The following LOXL1 variants were observed in gnomAD, a reference collection of about 807,000 sequenced individuals.
The protein encoded by LOXL1 is lysyl oxidase like 1, also known as lysyl oxidase homolog 1.
LOXL1 carries 31 observed loss-of-function variants against 62.2 expected under a neutral mutation model. The ratio of observed to expected loss-of-function variants is 0.50; its 90% CI spans 0.37 to 0.67. The LOEUF (loss-of-function observed/expected upper bound fraction) is 0.67, where lower values mean the gene tolerates loss of function less well. Ranked by LOEUF, LOXL1 falls within the 30% of genes least tolerant of loss-of-function variation. The pLI is 0.00. For missense variants in LOXL1, 775 were observed against 843.4 expected, an observed-to-expected ratio of 0.92 and a Z score of 1.00; for synonymous variants, 403 against 384.4, an observed-to-expected ratio of 1.05 and a Z score of -0.56.
intron 1 of LOXL1, among the ~76,000 whole-genome samples, chr15:73,936,979 C>T (rs1567086150): frequency 6.6e-6 from 1 of 152,234 alleles, no homozygotes; most frequent in African/African-American, 2.4e-5. Flanking sequence ...CAGGGGCCAG[C>T]TAGTTCAGTC....
At position 73,927,429 on chromosome 15, in the gene LOXL1, G is replaced by A. The variant is rs751304280; in HGVS notation, c.646G>A (p.Ala216Thr). Residue 216 changes from alanine (A) to threonine (T), a missense_variant, in exon 1 of 7, where the codon GCG becomes ACG. Ala to Thr is a moderately conservative substitution (Grantham distance 58). Transcript: ENST00000261921. ...RPAGGGVGAG[A>T]AAVASAGVIY... ...CGCGGGCGGCGGCGTGGGCGCGGGG[G>A]CGGCGGCCGTGGCCTCGGCGGGGGT... The A allele has an allele frequency of 2.0e-6, 3 of 1,484,244 alleles. No individual in the cohort carries two copies. The highest frequency in any genetic ancestry group is 1.5e-5 in the African/African-American group (1 of 68,922). The allele number at this position is 1,484,244 out of a possible 1,614,324, so 91.9% of individuals were successfully genotyped here.
rs1490189179 is a variant in LOXL1, at chr15:73,950,650, CCAGTGTGTAGCCAGGCTCAGGGCT to C, written c.1718+1085_1718+1108del. ...CTCAGTCTGTGACCAGAGTCAGGGCCCAGTGTGTAGCCAGGCTCAGGGCTCAGTGTGTGACCAGGATCAGGGCTC... is the reference window on the plus strand; with the variant it reads ...CTCAGTCTGTGACCAGAGTCAGGGCCCAGTGTGTGACCAGGATCAGGGCTC... On this transcript the variant is annotated intron_variant, in intron 6 of 6. Coordinates refer to ENST00000261921, the MANE Select transcript of LOXL1 (RefSeq NM_005576.4). Among the ~76,000 whole-genome samples, 1,016 of 147,086 alleles carry C rather than the reference CCAGTGTGTAGCCAGGCTCAGGGCT, an allele frequency of 6.9e-3. 21 individuals are homozygous for C. Among genetic ancestry groups the C allele is most frequent in the Admixed American group, 0.054 (799 of 14,800 alleles).
chr15:73,951,892 C>A lies in LOXL1; in HGVS notation c.*55C>A. ...CCCCTTCCAAAGCAGGCCCTGCTCC[C>A]CGGGCAGCCTCCCGCCGAGGGGCCC... On this transcript the variant is annotated 3_prime_UTR_variant, in exon 7 of 7. Coordinates refer to ENST00000261921, the MANE Select transcript of LOXL1 (RefSeq NM_005576.4). 1.4e-6 allele frequency: 2 copies of A among 1,436,488 alleles called. No individual in the cohort carries two copies. Among genetic ancestry groups the A allele is most frequent in the South Asian group, 1.5e-5 (1 of 65,948 alleles). The allele number at this position is 1,436,488 out of a possible 1,614,324, so 89.0% of individuals were successfully genotyped here.
chr15:73,936,173 G>A (rs1477253482), intron 1 of LOXL1, among the ~76,000 whole-genome samples: 2 of 152,056 alleles, frequency 1.3e-5, no homozygotes, highest in African/African-American at 4.8e-5. Context: ...GTGGGCAATG[G>A]GGAGCCATTG....
intron 1 of LOXL1, among the ~76,000 whole-genome samples, chr15:73,938,937 G>A (rs909611046): frequency 2.0e-5 from 3 of 152,116 alleles, no homozygotes; most frequent in African/African-American, 7.2e-5. Context: ...CCTTCACCAG[G>A]TCCAGGATCT....
intron 6 of LOXL1, 59 bp from the exon 7 acceptor site, chr15:73,951,769 TGAG>T: frequency 6.9e-7 from 1 of 1,448,658 alleles, no homozygotes; most frequent in South Asian, 1.5e-5. Flanking sequence ...ACGCCCTGGC[TGAG>T]GAGGCCACGG....
chr15:73,943,091 C>G, intron 2 of LOXL1, 129 bp downstream of exon 2: 1 of 715,580 alleles, frequency 1.4e-6, no homozygotes, highest in South Asian at 1.6e-5. Flanking sequence ...CCCAGCCTCC[C>G]AGGACCCTGA....
intron 1 of LOXL1, among the ~76,000 whole-genome samples, chr15:73,939,517 G>T (rs1393558704): frequency 1.3e-5 from 2 of 152,166 alleles, no homozygotes; most frequent in Non-Finnish European, 2.9e-5. Context: ...ACAAAATAAT[G>T]GTAAGAGTGA....
At chr15:73,946,307 G>T in intron 2 of LOXL1, 110 bp from the exon 3 acceptor site, 1 of 726,252 alleles carries the variant, frequency 1.4e-6, no homozygotes, top group Non-Finnish European at 2.4e-6. Context: ...ACAAGGAGTG[G>T]GGCTGCAGAA....
intron 1 of LOXL1, among the ~76,000 whole-genome samples, chr15:73,941,334 C>T (rs2141631663): frequency 6.6e-6 from 1 of 152,270 alleles, no homozygotes; most frequent in Non-Finnish European, 1.5e-5. Flanking sequence ...GACCAGGCTC[C>T]CCCATGAGGC....
At chr15:73,939,454 A>G (rs974529796) in intron 1 of LOXL1, among the ~76,000 whole-genome samples, 1 of 152,218 alleles carries the variant, frequency 6.6e-6, no homozygotes, top group Non-Finnish European at 1.5e-5. Context: ...GAGCTCAGAG[A>G]GGGAGTCACA....
chr15:73,939,110 C>G (rs72745365), intron 1 of LOXL1, among the ~76,000 whole-genome samples: 30,349 of 152,020 alleles, frequency 0.2, 3,198 homozygotes, highest in East Asian at 0.33. Context: ...TGTCCACTAG[C>G]CCCCAACTCA....
At chr15:73,932,214 T>C (rs921881501) in intron 1 of LOXL1, among the ~76,000 whole-genome samples, 1 of 152,204 alleles carries the variant, frequency 6.6e-6, no homozygotes, top group Admixed American at 6.5e-5. Flanking sequence ...GGAAGAATTA[T>C]GCTTGCATTT....
In LOXL1 at chr15:73,927,398, C is replaced by T; in HGVS notation, c.615C>T (p.Tyr205=). 1.3e-6 allele frequency: 2 copies of T among 1,555,744 alleles called. No homozygotes were observed. ...SRTYDQGFVY[Y]RPAGGGVGAG... ...CCTACGACCAGGGTTTCGTGTACTA[C>T]CGGCCCGCGGGCGGCGGCGTGGGCG... Residue 205 remains tyrosine, a synonymous_variant, in exon 1 of 7, where the codon TAC becomes TAT. Coordinates refer to ENST00000261921, the MANE Select transcript of LOXL1 (RefSeq NM_005576.4).
rs2068791352 is a variant in LOXL1, at chr15:73,951,970, G to GCGAA, written c.*136_*139dup. Reference sequence around the variant, plus strand: ...CATCCCTCCCTGCCGGCCTCAGGGAGCGAACGTGGATGAAAACCACAGGGA... The same window carrying GCGAA: ...CATCCCTCCCTGCCGGCCTCAGGGAGCGAACGAACGTGGATGAAAACCACAGGGA... On this transcript the variant is annotated 3_prime_UTR_variant, in exon 7 of 7. Coordinates refer to ENST00000261921, the MANE Select transcript of LOXL1 (RefSeq NM_005576.4). The GCGAA allele has an allele frequency of 1.4e-6, 1 of 704,700 alleles. No individual in the cohort carries two copies. The highest frequency in any genetic ancestry group is 4.1e-5 in the Admixed American group (1 of 24,260). 43.7% of individuals were successfully genotyped at this position (704,700 alleles called of 1,614,324 possible).
intron 1 of LOXL1, among the ~76,000 whole-genome samples, chr15:73,932,814 C>T (rs1567084889): frequency 6.6e-6 from 1 of 152,204 alleles, no homozygotes. Context: ...CTTCCTTCCC[C>T]GAAGTTGTCT....
At chr15:73,944,438 CGAGTGGG>C (rs2068734797) in intron 2 of LOXL1, among the ~76,000 whole-genome samples, 1 of 152,112 alleles carries the variant, frequency 6.6e-6, no homozygotes, top group Non-Finnish European at 1.5e-5. Flanking sequence ...AACCAAGACA[CGAGTGGG>C]AAAAGAGCCA....
chr15:73,933,772 C>T (rs1304088523), intron 1 of LOXL1, among the ~76,000 whole-genome samples: 2 of 152,250 alleles, frequency 1.3e-5, no homozygotes, highest in Admixed American at 6.5e-5. Flanking sequence ...TCCGCCCAGG[C>T]GGCCCACACC....
At position 73,927,272 on chromosome 15, in the gene LOXL1, C is replaced by T; in HGVS notation, c.489C>T (p.Phe163=). Reference sequence around the variant, plus strand: ...CCTCCTCGGTCTCGGCTTCGGCCTTCGCCAGCACCTACCGCCAGCAGCCCT... The same window carrying T: ...CCTCCTCGGTCTCGGCTTCGGCCTTTGCCAGCACCTACCGCCAGCAGCCCT... ...GSASSVSASA[F]ASTYRQQPSY... is the part of the protein sequence containing the mutation. Residue 163 remains phenylalanine (F), a synonymous_variant, in exon 1 of 7, where the codon TTC becomes TTT. Coordinates refer to ENST00000261921, the MANE Select transcript of LOXL1 (RefSeq NM_005576.4). 1 of 1,602,794 alleles carries T rather than the reference C, an allele frequency of 6.2e-7. No individual in the cohort carries two copies.
Sources: gnomAD v4.1 joint callset for allele counts (sites outside exome capture counted in the v4.1 genomes callset) on GRCh38, gnomAD v4.1.1 for gene constraint, MANE v1.5 for transcripts, NCBI Gene and HGNC (gene_info 2026-07-23, HGNC 2026-07-21) for gene names.